The following HNRNPU variants were observed in gnomAD, a reference collection of about 807,000 sequenced individuals.
The protein encoded by HNRNPU is HNRNPU antisense RNA 1.
HNRNPU carries 5 observed loss-of-function variants against 94.7 expected under a neutral mutation model. The ratio of observed to expected loss-of-function variants is 0.05; its 90% CI spans 0.03 to 0.11. HNRNPU has a LOEUF of 0.11. Among genes scored for constraint, HNRNPU ranks in the 10% least tolerant of loss-of-function variants. The pLI is 1.00. For missense variants in HNRNPU, 710 were observed against 1,049.2 expected (o/e 0.68, Z 4.47); for synonymous variants, 434 against 381.6 (o/e 1.14, Z -1.60).
rs372694722 is a variant in HNRNPU at position 244,857,749 on chromosome 1, G to A, written c.1495-32C>T. On this transcript the variant is annotated intron_variant, in intron 7 of 13. Transcript: ENST00000640218. ...AAAAGAAAAGAAATGTCATTTCACT[G>A]TCAGTAGACACCACCTAATAATTCT... is the stretch of plus-strand genomic sequence containing the variant. 69 of 1,604,994 alleles carry A rather than the reference G, an allele frequency of 4.3e-5. No individual in the cohort carries two copies. In the African/African-American group the frequency reaches 5.0e-4, roughly 12 times the overall value.
Position 244,864,479 on chromosome 1 carries a change from C to G in HNRNPU, c.-172G>C. ...GCCTGGTGTCGAACGGCGCCAATTC[C>G]TTTCACCGAGTTCGCGAGGGAGACG... On this transcript the variant is annotated 5_prime_UTR_variant, in exon 1 of 14. Coordinates refer to ENST00000640218, the MANE Select transcript of HNRNPU (RefSeq NM_031844.3). 8.6e-7 allele frequency: 1 copy of G among 1,156,614 alleles called. No individual in the cohort carries two copies. Among genetic ancestry groups the G allele is most frequent in the South Asian group, 1.6e-5 (1 of 61,262 alleles). The allele number at this position is 1,156,614 out of a possible 1,614,324, so 71.6% of individuals were successfully genotyped here.
chr1:244,855,928 G>A lies in HNRNPU; in HGVS notation c.2143C>T (p.Arg715Cys). The stretch of plus-strand genomic sequence containing the variant: ...CCTCCTCCTCTGAAATTTCCACCAC[G>A]CATATTGAATCCTCCACGTCCTCTA... Reference protein sequence around the residue: ...GHRGRGGFNMRGGNFRGGAPG... With the variant: ...GHRGRGGFNMCGGNFRGGAPG... Residue 715 changes from arginine to cysteine, a missense_variant, in exon 11 of 14, where the codon CGT becomes TGT. Around this residue, in one of 8 missense-constraint regions of HNRNPU, gnomAD observed 152 missense variants for 238.9 expected, o/e 0.64. Transcript: ENST00000640218. The A allele has an allele frequency of 1.9e-6, 3 of 1,613,852 alleles. No individual in the cohort carries two copies. Among genetic ancestry groups the A allele is most frequent in the Non-Finnish European group, 2.5e-6 (3 of 1,179,928 alleles).
chr1:244,863,467 T>C, intron 1 of HNRNPU, 150 bp downstream of exon 1: 2 of 1,015,478 alleles, frequency 2.0e-6, no homozygotes, highest in Admixed American at 4.5e-5. Flanking sequence ...TCTCGGCTAA[T>C]CTGGGATTCC....
In HNRNPU at chr1:244,864,447, C is replaced by T. The variant is rs966870663; in HGVS notation, c.-140G>A. 3.4e-5 allele frequency: 48 copies of T among 1,426,020 alleles called. No homozygotes were observed. Among genetic ancestry groups the T allele is most frequent in the Non-Finnish European group, 4.3e-5 (46 of 1,060,414 alleles). 88.3% of individuals were successfully genotyped at this position (1,426,020 alleles called of 1,614,324 possible). Reference sequence around the variant, plus strand: ...CTGGAGATGGGTTCGTGCTGCAGAGCGGATCCGCCTGGTGTCGAACGGCGC... The same window carrying T: ...CTGGAGATGGGTTCGTGCTGCAGAGTGGATCCGCCTGGTGTCGAACGGCGC... On this transcript the variant is annotated 5_prime_UTR_variant, in exon 1 of 14. Coordinates refer to ENST00000640218, the MANE Select transcript of HNRNPU (RefSeq NM_031844.3).
At chr1:244,857,847 A>G in intron 7 of HNRNPU, 130 bp from the exon 8 acceptor site, 2 of 1,363,880 alleles carry the variant, frequency 1.5e-6, no homozygotes, top group African/African-American at 1.5e-5. Flanking sequence ...AAATTTGTTT[A>G]TGGAAAGATT....
chr1:244,857,846 T>C (rs1573331416), intron 7 of HNRNPU, 129 bp from the exon 8 acceptor site: 1 of 1,359,070 alleles, frequency 7.4e-7, no homozygotes, highest in East Asian at 2.3e-5. Flanking sequence ...AAAATTTGTT[T>C]ATGGAAAGAT....
chr1:244,861,799 A>G (rs895416283), intron 3 of HNRNPU: 1 of 151,540 alleles, frequency 6.6e-6, no homozygotes, highest in Non-Finnish European at 1.5e-5. Context: ...GAGGTTTGCA[A>G]TACTTTCTCA....
chr1:244,855,316 G>A (rs1680648592), intron 12 of HNRNPU, 108 bp downstream of exon 12: 31 of 1,076,514 alleles, frequency 2.9e-5, no homozygotes, highest in Non-Finnish European at 4.3e-5. Context: ...TTATGTCAAT[G>A]CCTATCATGT....
Position 244,864,414 on chromosome 1 carries a change from G to T in HNRNPU, c.-107C>A, listed in dbSNP as rs1680946044. On this transcript the variant is annotated 5_prime_UTR_variant, in exon 1 of 14. Transcript: ENST00000640218. ...GCTCCTCGGCCCGGGCGGCGGCTGC[G>T]GCTGCGGCTGGAGATGGGTTCGTGC... 1 of 1,554,224 alleles carries T rather than the reference G, an allele frequency of 6.4e-7. No individual in the cohort carries two copies. The highest frequency in any genetic ancestry group is 1.4e-5 in the African/African-American group (1 of 71,890).
chr1:244,857,871 AG>A (rs1421785301), intron 7 of HNRNPU, 139 bp downstream of exon 7: 1 of 1,295,216 alleles, frequency 7.7e-7, no homozygotes, highest in East Asian at 2.3e-5. Context: ...AGTCAACATA[AG>A]GGGGAAACAA....
intron 1 of HNRNPU, among the ~76,000 whole-genome samples, 188 bp downstream of exon 1, chr1:244,863,429 C>CGG (rs1447289531): frequency 6.6e-6 from 1 of 150,668 alleles, no homozygotes; most frequent in Non-Finnish European, 1.5e-5. Context: ...CACGCGCGCG[C>CGG]GCACACACAC....
At position 244,852,062 on chromosome 1, in the gene HNRNPU, T is replaced by C. The variant is rs1162890957; in HGVS notation, c.*2388A>G. The C allele has an allele frequency of 2.0e-5, 3 of 152,186 alleles. No individual in the cohort carries two copies. In the East Asian group the frequency reaches 5.8e-4, roughly 29 times the overall value. The allele number at this position is 152,186 out of a possible 1,614,324, so 9.4% of individuals were successfully genotyped here. On this transcript the variant is annotated 3_prime_UTR_variant, in exon 14 of 14. Coordinates refer to ENST00000640218, the MANE Select transcript of HNRNPU (RefSeq NM_031844.3). ...GGATTTGTCCAGAACTACATCCTTT[T>C]CAGATGTTCAGAGTTTTGCTTGCCA... is the stretch of plus-strand genomic sequence containing the variant.
Position 244,864,464 on chromosome 1 carries a change from G to C in HNRNPU, c.-157C>G. ...CTGCAGAGCGGATCCGCCTGGTGTC[G>C]AACGGCGCCAATTCCTTTCACCGAG... is the stretch of plus-strand genomic sequence containing the variant. On this transcript the variant is annotated 5_prime_UTR_variant, in exon 1 of 14. Coordinates refer to ENST00000640218, the MANE Select transcript of HNRNPU (RefSeq NM_031844.3). 3 of 1,287,420 alleles carry C rather than the reference G, an allele frequency of 2.3e-6. No homozygotes were observed. Among genetic ancestry groups the C allele is most frequent in the Admixed American group, 2.9e-5 (1 of 34,310 alleles). 79.7% of individuals were successfully genotyped at this position (1,287,420 alleles called of 1,614,324 possible).
In HNRNPU at chr1:244,853,633, A is replaced by G. The variant is rs1212640922; in HGVS notation, c.*817T>C. 2.5e-4 allele frequency: 38 copies of G among 152,648 alleles called. No individual in the cohort carries two copies. The allele number at this position is 152,648 out of a possible 1,614,324, so 9.5% of individuals were successfully genotyped here. Reference sequence around the variant, plus strand: ...AGGGCATACAGACATGGCTAACTTCATATAGATCCCATTAGACAACTGGAT... The same window carrying G: ...AGGGCATACAGACATGGCTAACTTCGTATAGATCCCATTAGACAACTGGAT... On this transcript the variant is annotated 3_prime_UTR_variant, in exon 14 of 14. Transcript: ENST00000640218.
At chr1:244,854,763 ACTTT>A in intron 13 of HNRNPU, 1 of 504,088 alleles carries the variant, frequency 2.0e-6, no homozygotes, top group South Asian at 3.8e-5. Flanking sequence ...AAATAATATT[ACTTT>A]ATTAAAAAAA....
Position 244,858,293 on chromosome 1 carries a change from T to G in HNRNPU, c.1231-19A>C. Reference sequence around the variant, plus strand: ...CAAAGTTCTGTTACACAGAAAAAAATTCAACAGTTAAAATCTGCTTCCTTA... The same window carrying G: ...CAAAGTTCTGTTACACAGAAAAAAAGTCAACAGTTAAAATCTGCTTCCTTA... On this transcript the variant is annotated intron_variant, in intron 6 of 13. Coordinates refer to ENST00000640218, the MANE Select transcript of HNRNPU (RefSeq NM_031844.3). The G allele has an allele frequency of 1.2e-6, 2 of 1,603,110 alleles. No homozygotes were observed. Among genetic ancestry groups the G allele is most frequent in the Non-Finnish European group, 1.7e-6 (2 of 1,174,270 alleles).
chr1:244,856,117 T>C lies in HNRNPU; in HGVS notation c.1954A>G (p.Ile652Val), dbSNP rs1261806485. 7 of 1,613,626 alleles carry C rather than the reference T, an allele frequency of 4.3e-6. No individual in the cohort carries two copies. The highest frequency in any genetic ancestry group is 5.1e-6 in the Non-Finnish European group (6 of 1,179,828). ...TCCTTCTGAAGTTCAACATAGGTTATTTCATCAAAGCACTCAGCTACCTCT... is the reference window on the plus strand; with the variant it reads ...TCCTTCTGAAGTTCAACATAGGTTACTTCATCAAAGCACTCAGCTACCTCT... ...LPEVAECFDE[I>V]TYVELQKEEA... is the part of the protein sequence containing the mutation. Residue 652 changes from isoleucine to valine, a missense_variant, in exon 11 of 14, where the codon ATA (isoleucine) becomes GTA (valine). Ile to Val is a conservative substitution (Grantham distance 29). Coordinates refer to ENST00000640218, the MANE Select transcript of HNRNPU (RefSeq NM_031844.3).
chr1:244,863,063 C>T (rs980978058), intron 1 of HNRNPU: 6 of 296,492 alleles, frequency 2.0e-5, no homozygotes, highest in Non-Finnish European at 6.3e-6. Flanking sequence ...CCCTCCCCCG[C>T]GGGCCCGCGC....
Position 244,859,287 on chromosome 1 carries a change from C to T in HNRNPU, c.1105G>A (p.Gly369Arg). 1 of 1,555,050 alleles carries T rather than the reference C, an allele frequency of 6.4e-7. No homozygotes were observed. The highest frequency in any genetic ancestry group is 8.9e-7 in the Non-Finnish European group (1 of 1,126,538). Residue 369 changes from glycine to arginine, a missense_variant, in exon 5 of 14, where the codon GGA becomes AGA. Gly to Arg is a moderately radical substitution (Grantham distance 125). This residue lies in a region of HNRNPU where 150 missense variants were observed against 187.9 expected (regional missense o/e 0.80). Transcript: ENST00000640218. ...AAAGAAGCTTTACCAAGTAACATTC[C>T]ACTTGTAGTTAGTGACCAGCCAATA... ...VRIGWSLTTS[G>R]MLLGEEEFSY...
Sources: gnomAD v4.1 joint callset for allele counts (sites outside exome capture counted in the v4.1 genomes callset) on GRCh38, gnomAD v4.1.1 for gene constraint, gnomAD v4.1.1 regional missense constraint, MANE v1.5 for transcripts, NCBI Gene and HGNC (gene_info 2026-07-23, HGNC 2026-07-21) for gene names.